Variants in SNX24 observed in about 807,000 individuals in gnomAD.
SNX24 encodes sorting nexin 24.
A neutral mutation model predicts 28.7 loss-of-function variants in SNX24; 22 were observed. That is an observed-to-expected ratio of 0.77 (90% CI 0.55 to 1.10). The LOEUF (loss-of-function observed/expected upper bound fraction) is 1.10. SNX24 is among the 50% of genes least tolerant of loss of function. The probability of loss-of-function intolerance (pLI) is 0.00; values close to 1 mark genes in which losing one functional copy is unlikely to be tolerated. For missense variants in SNX24, 221 were observed against 201.1 expected (o/e 1.10, Z -0.60); for synonymous variants, 69 against 71.5 (o/e 0.96, Z 0.18).
intron 5 of SNX24, among the ~76,000 whole-genome samples, chr5:123,020,123 T>C (rs778943591): frequency 2.6e-4 from 39 of 152,326 alleles, no homozygotes; most frequent in Non-Finnish European, 4.4e-4. Context: ...TCCTTCTGCA[T>C]GGGGGAGAGT....
rs34207894 is a variant in SNX24, at chr5:122,902,941, T to G, written c.61-33793T>G. Among the ~76,000 whole-genome samples the G allele has an allele frequency of 7.1e-3, 1,082 of 152,258 alleles. 7 individuals carry two copies. The highest frequency in any genetic ancestry group is 0.012 in the Non-Finnish European group (792 of 68,030). ...ATATATCATTGCAATTCTGGATCTG[T>G]ATCTTGCTACTTATTGTTCCCTAGG... On this transcript the variant is annotated intron_variant, in intron 1 of 6. Transcript: ENST00000261369.
chr5:123,010,320 T>A (rs1762548797), downstream of SNX24, among the ~76,000 whole-genome samples: 1 of 151,992 alleles, frequency 6.6e-6, no homozygotes. Flanking sequence ...AGACGGAGTC[T>A]TGCTCTGTTG....
At chr5:122,977,121 A>G (rs1248318253) in intron 3 of SNX24, among the ~76,000 whole-genome samples, 1 of 152,150 alleles carries the variant, frequency 6.6e-6, no homozygotes, top group East Asian at 1.9e-4. Flanking sequence ...GGGTTGGTGT[A>G]CTTTGTTTTC....
intron 1 of SNX24, among the ~76,000 whole-genome samples, chr5:122,881,016 TC>T (rs1451685501): frequency 2.0e-5 from 3 of 152,208 alleles, no homozygotes; most frequent in African/African-American, 7.2e-5. Flanking sequence ...CTGCGATTTG[TC>T]ATGTCCCTGC....
At chr5:122,923,021 A>G (rs1465890168) in intron 1 of SNX24, among the ~76,000 whole-genome samples, 2 of 152,088 alleles carry the variant, frequency 1.3e-5, no homozygotes, top group African/African-American at 2.4e-5. Context: ...CTATCTATCT[A>G]TCTTTATTTT....
intron 1 of SNX24, among the ~76,000 whole-genome samples, chr5:122,915,001 C>T (rs1160845837): frequency 6.6e-6 from 1 of 152,086 alleles, no homozygotes; most frequent in Non-Finnish European, 1.5e-5. Context: ...CTAACAGATG[C>T]ACGTTGAGTG....
chr5:122,897,884 T>G (rs1054261472), intron 1 of SNX24, among the ~76,000 whole-genome samples: 1 of 152,194 alleles, frequency 6.6e-6, no homozygotes, highest in Non-Finnish European at 1.5e-5. Flanking sequence ...TGTTCACCCC[T>G]TCAAAAAAGT....
intron 3 of SNX24, among the ~76,000 whole-genome samples, chr5:122,998,790 A>G (rs1315856069): frequency 6.6e-6 from 1 of 152,246 alleles, no homozygotes; most frequent in Non-Finnish European, 1.5e-5. Context: ...TGTGATATAG[A>G]ACTATGTATC....
chr5:122,992,048 G>C (rs1212396509), intron 3 of SNX24, among the ~76,000 whole-genome samples: 1 of 152,172 alleles, frequency 6.6e-6, no homozygotes, highest in Non-Finnish European at 1.5e-5. Flanking sequence ...GTGCTATTAT[G>C]CATGCAGTAA....
chr5:122,856,124 C>G (rs1255576001), intron 1 of SNX24, among the ~76,000 whole-genome samples: 1 of 152,184 alleles, frequency 6.6e-6, no homozygotes, highest in Non-Finnish European at 1.5e-5. Flanking sequence ...CTGCCTCCCT[C>G]CACTCGCAAG....
chr5:122,962,912 C>T (rs111958412), intron 3 of SNX24, among the ~76,000 whole-genome samples: 1 of 152,222 alleles, frequency 6.6e-6, no homozygotes, highest in African/African-American at 2.4e-5. Flanking sequence ...CTAGAGCCCC[C>T]TATTAATAAG....
intron 1 of SNX24, among the ~76,000 whole-genome samples, chr5:122,883,796 C>T (rs1374357758): frequency 1.3e-5 from 2 of 152,074 alleles, no homozygotes; most frequent in East Asian, 1.9e-4. Context: ...ACTGCAGGCA[C>T]GCATGCGCCA....
intron 1 of SNX24, among the ~76,000 whole-genome samples, chr5:122,859,529 G>C: frequency 6.6e-6 from 1 of 152,150 alleles, no homozygotes; most frequent in East Asian, 1.9e-4. Context: ...TTGACCCCAG[G>C]AGGTTAAGGC....
chr5:122,884,964 T>TTA (rs1263932465), intron 1 of SNX24, among the ~76,000 whole-genome samples: 1 of 152,238 alleles, frequency 6.6e-6, no homozygotes, highest in African/African-American at 2.4e-5. Context: ...GCACGTGTAT[T>TTA]CTTAGGGACC....
At chr5:123,013,758 T>A (rs192802031), downstream of SNX24, among the ~76,000 whole-genome samples, 1 of 152,340 alleles carries the variant, frequency 6.6e-6, no homozygotes, top group East Asian at 1.9e-4. Flanking sequence ...TGTCCCTAGC[T>A]ACAATATTCT....
intron 5 of SNX24, among the ~76,000 whole-genome samples, chr5:123,019,770 A>G (rs1170023888): frequency 6.6e-6 from 1 of 152,242 alleles, no homozygotes; most frequent in African/African-American, 2.4e-5. Context: ...GTGTCCTTCT[A>G]GTAACGTGAT....
At chr5:122,902,833 G>A (rs1463575481) in intron 1 of SNX24, among the ~76,000 whole-genome samples, 1 of 152,166 alleles carries the variant, frequency 6.6e-6, no homozygotes, top group African/African-American at 2.4e-5. Flanking sequence ...CTCTTAGCCA[G>A]TTCAATTCCC....
At chr5:122,996,549 A>G (rs1435592219) in intron 3 of SNX24, among the ~76,000 whole-genome samples, 2 of 152,260 alleles carry the variant, frequency 1.3e-5, no homozygotes, top group South Asian at 2.1e-4. Context: ...CCAAACTTCA[A>G]AATGGATAAA....
At chr5:122,921,756 A>G (rs544592898) in intron 1 of SNX24, among the ~76,000 whole-genome samples, 12 of 152,284 alleles carry the variant, frequency 7.9e-5, no homozygotes, top group African/African-American at 2.6e-4. Context: ...GTTTTTCTAT[A>G]GAGACCACAT....
Sources: allele counts gnomAD v4.1 joint callset (sites outside exome capture counted in the v4.1 genomes callset), GRCh38; gene constraint gnomAD v4.1.1; transcripts MANE v1.5; gene names NCBI Gene and HGNC (gene_info 2026-07-23, HGNC 2026-07-21).